The following ASTN2 variants were observed in gnomAD, a reference collection of about 807,000 sequenced individuals.
ASTN2 encodes the protein astrotactin-2.
Under a neutral mutation model 139.8 loss-of-function variants are expected in ASTN2, and 54 were observed. The ratio of observed to expected loss-of-function variants is 0.39; its 90% CI spans 0.31 to 0.48. The LOEUF (loss-of-function observed/expected upper bound fraction) is 0.48, where lower values mean the gene tolerates loss of function less well. Ranked by LOEUF, ASTN2 falls within the 20% of genes least tolerant of loss-of-function variation. The probability of loss-of-function intolerance (pLI) is 0.95; values close to 1 mark genes in which losing one functional copy is unlikely to be tolerated. For missense variants in ASTN2, 1,565 were observed against 1,725.1 expected, an observed-to-expected ratio of 0.91 and a Z score of 1.64; for synonymous variants, 756 against 719.5, an observed-to-expected ratio of 1.05 and a Z score of -0.81.
intron 3 of ASTN2, among the ~76,000 whole-genome samples, chr9:117,144,660 GTTTTTTTTTTTTTTTTTTTTTTTTTT>G (rs71379267): frequency 2.6e-5 from 2 of 78,308 alleles, no homozygotes; most frequent in African/African-American, 1.2e-4. Flanking sequence ...GTGAACACTA[GTTTTTTTTTTTTTTTTTTTTTTTTTT>G]TTTTTTTTTT....
rs144282424 is a variant in ASTN2, at chr9:117,200,123, C to T, written c.1015+14235G>A. Among the ~76,000 whole-genome samples the T allele has an allele frequency of 3.6e-3, 541 of 151,174 alleles. 5 individuals are homozygous for T. Among genetic ancestry groups the T allele is most frequent in the African/African-American group, 0.012 (479 of 41,216 alleles). On this transcript the variant is annotated intron_variant, in intron 3 of 22. Transcript: ENST00000313400. ...TACTTTAAGTTTTAGGGTACATGTG[C>T]GCAATGTGCAGGTTTGTTACATATG...
intron 1 of ASTN2, among the ~76,000 whole-genome samples, chr9:117,369,571 C>T (rs540681641): frequency 6.6e-6 from 1 of 152,236 alleles, no homozygotes; most frequent in African/African-American, 2.4e-5. Context: ...ATTATATGAT[C>T]TTAAAGTCAT....
chr9:116,564,223 G>T (rs1010949250), intron 19 of ASTN2, among the ~76,000 whole-genome samples: 23 of 152,028 alleles, frequency 1.5e-4, no homozygotes, highest in Non-Finnish European at 2.8e-4. Flanking sequence ...TGGCTCTTTG[G>T]GTCTTGCTCT....
At chr9:117,304,328 C>T (rs1020794916) in intron 1 of ASTN2, among the ~76,000 whole-genome samples, 3 of 152,184 alleles carry the variant, frequency 2.0e-5, no homozygotes, top group Non-Finnish European at 4.4e-5. Context: ...GCGTGTCACG[C>T]TATATGTAAT....
At chr9:117,150,259 T>C (rs572240249) in intron 3 of ASTN2, among the ~76,000 whole-genome samples, 7 of 152,300 alleles carry the variant, frequency 4.6e-5, no homozygotes, top group African/African-American at 1.7e-4. Flanking sequence ...GAATGTGCTT[T>C]CATGAAGATG....
At chr9:116,967,118 C>G (rs1224547656) in intron 10 of ASTN2, among the ~76,000 whole-genome samples, 10 of 152,142 alleles carry the variant, frequency 6.6e-5, no homozygotes, top group Non-Finnish European at 1.5e-4. Flanking sequence ...ACATGTAGAG[C>G]ACTTAAGACA....
At chr9:117,182,407 C>T (rs1056842759) in intron 3 of ASTN2, among the ~76,000 whole-genome samples, 2 of 152,082 alleles carry the variant, frequency 1.3e-5, no homozygotes, top group East Asian at 1.9e-4. Context: ...TTATATACCA[C>T]TGATCTGAGC....
intron 5 of ASTN2, among the ~76,000 whole-genome samples, chr9:117,056,358 T>A (rs1489609974): frequency 6.6e-6 from 1 of 152,186 alleles, no homozygotes; most frequent in Non-Finnish European, 1.5e-5. Context: ...ATCAGAAACC[T>A]TCAAGTTTAG....
intron 13 of ASTN2, among the ~76,000 whole-genome samples, chr9:116,751,594 AAT>A (rs1162177608): frequency 6.6e-6 from 1 of 151,972 alleles, no homozygotes; most frequent in African/African-American, 2.4e-5. Flanking sequence ...TTTAAAAAAT[AAT>A]ATGCAGCAGA....
At chr9:116,843,583 C>T (rs62565769) in intron 11 of ASTN2, among the ~76,000 whole-genome samples, 12,213 of 150,084 alleles carry the variant, frequency 0.081, 593 homozygotes, top group East Asian at 0.22. Context: ...TGCTTGAACT[C>T]GGGAGGCAGA....
At chr9:117,326,486 T>C (rs1180678204) in intron 1 of ASTN2, among the ~76,000 whole-genome samples, 1 of 152,152 alleles carries the variant, frequency 6.6e-6, no homozygotes, top group Non-Finnish European at 1.5e-5. Context: ...AGCAGAGATA[T>C]CGAATTGCCC....
rs73655119 is a variant in ASTN2 at position 116,447,215 on chromosome 9, T to G, written c.3498-4662A>C. Among the ~76,000 whole-genome samples the G allele has an allele frequency of 7.4e-3, 1,126 of 152,250 alleles. 19 individuals carry two copies. The highest frequency in any genetic ancestry group is 0.026 in the African/African-American group (1,094 of 41,536). On this transcript the variant is annotated intron_variant, in intron 20 of 22. Transcript: ENST00000313400. The stretch of plus-strand genomic sequence containing the variant: ...CCCTCTCCACCTTGTCCTTGAAGCA[T>G]CGCTCAAACCTTACCTCCTCTGGAA...
At chr9:116,906,746 A>G (rs1034789040) in intron 10 of ASTN2, among the ~76,000 whole-genome samples, 2 of 152,078 alleles carry the variant, frequency 1.3e-5, no homozygotes, top group Non-Finnish European at 2.9e-5. Flanking sequence ...GTGAGTTGAG[A>G]TGGGTTGAAG....
At chr9:116,508,962 G>A (rs1335285434) in intron 19 of ASTN2, among the ~76,000 whole-genome samples, 4 of 152,134 alleles carry the variant, frequency 2.6e-5, no homozygotes, top group African/African-American at 7.2e-5. Context: ...AGCATCTACA[G>A]CTTCATTTCC....
intron 19 of ASTN2, among the ~76,000 whole-genome samples, chr9:116,540,087 G>A (rs1362519406): frequency 6.6e-6 from 1 of 152,174 alleles, no homozygotes; most frequent in Non-Finnish European, 1.5e-5. Context: ...ACATGAGACT[G>A]CTTTTCCAGC....
chr9:116,434,469 C>T (rs949132245), intron 22 of ASTN2, among the ~76,000 whole-genome samples: 1 of 152,160 alleles, frequency 6.6e-6, no homozygotes, highest in African/African-American at 2.4e-5. Context: ...CTTTTCAAAT[C>T]CCATGGCACG....
intron 19 of ASTN2, among the ~76,000 whole-genome samples, chr9:116,539,287 T>G (rs1195250834): frequency 6.6e-6 from 1 of 152,100 alleles, no homozygotes; most frequent in Non-Finnish European, 1.5e-5. Flanking sequence ...CGCACAACTC[T>G]GTCAATGTGC....
chr9:116,709,402 G>T (rs1391697671), intron 16 of ASTN2, among the ~76,000 whole-genome samples: 1 of 152,170 alleles, frequency 6.6e-6, no homozygotes, highest in Non-Finnish European at 1.5e-5. Flanking sequence ...GATGGAGCTT[G>T]CTGGAAAGTT....
At position 116,953,452 on chromosome 9, in the gene ASTN2, C is replaced by A. The variant is rs959601821; in HGVS notation, c.1889+21756G>T. ...GTGTTGCTGGAGCCCAGCATCTGCT[C>A]AGAGGAAGGCAGAGAGACCCAGAGG... On this transcript the variant is annotated intron_variant, in intron 10 of 22. Coordinates refer to ENST00000313400, the MANE Select transcript of ASTN2 (RefSeq NM_001365068.1). Among the ~76,000 whole-genome samples the A allele has an allele frequency of 2.6e-5, 4 of 152,238 alleles. No individual in the cohort carries two copies. The East Asian group carries it at 7.8e-4, about 30-fold the overall frequency.
Sources: gnomAD v4.1 joint callset for allele counts (sites outside exome capture counted in the v4.1 genomes callset) on GRCh38, gnomAD v4.1.1 for gene constraint, MANE v1.5 for transcripts, NCBI Gene and HGNC (gene_info 2026-07-23, HGNC 2026-07-21) for gene names.